The following SOCS6 variants were observed in gnomAD, a reference collection of about 807,000 sequenced individuals.
SOCS6 encodes suppressor of cytokine signaling 6.
A neutral mutation model predicts 27.7 loss-of-function variants in SOCS6; 5 were observed. That is an observed-to-expected ratio of 0.18 (90% CI 0.09 to 0.38). The LOEUF is 0.38. SOCS6 is among the 10% of genes least tolerant of loss of function. The pLI is 1.00. For missense variants in SOCS6, 595 were observed against 688.1 expected (o/e 0.86, Z 1.51); for synonymous variants, 271 against 260.0 (o/e 1.04, Z -0.41).
chr18:70,290,057 C>T (rs1213882388), intron 1 of SOCS6, among the ~76,000 whole-genome samples: 1 of 152,152 alleles, frequency 6.6e-6, no homozygotes, highest in African/African-American at 2.4e-5. Flanking sequence ...CTCAGTCTTC[C>T]GGTAGCAAAA....
intron 1 of SOCS6, among the ~76,000 whole-genome samples, chr18:70,312,983 T>A (rs900808436): frequency 6.6e-6 from 1 of 152,094 alleles, no homozygotes; most frequent in African/African-American, 2.4e-5. Flanking sequence ...GCTTTCACCA[T>A]GTTGGCCGGG....
intron 1 of SOCS6, among the ~76,000 whole-genome samples, chr18:70,311,152 A>C (rs895242181): frequency 2.6e-5 from 4 of 152,124 alleles, no homozygotes; most frequent in Non-Finnish European, 5.9e-5. Context: ...TTTCTCTTAG[A>C]GCACTTCTCA....
intron 1 of SOCS6, among the ~76,000 whole-genome samples, chr18:70,317,867 C>T (rs2062419525): frequency 6.6e-6 from 1 of 152,120 alleles, no homozygotes; most frequent in Non-Finnish European, 1.5e-5. Context: ...TTGTTTGAGA[C>T]AGGGCCCTAC....
Position 70,327,269 on chromosome 18 carries a change from G to T in SOCS6, c.*993G>T, listed in dbSNP as rs1007837995. ...GACTGGATTCTCTTGCAACATTAAT[G>T]TTTATAAAAAGTTTTAAATTGATTT... On this transcript the variant is annotated 3_prime_UTR_variant, in exon 2 of 2. Coordinates refer to ENST00000397942, the MANE Select transcript of SOCS6 (RefSeq NM_004232.4). 6.0e-6 allele frequency: 1 copy of T among 166,708 alleles called. No homozygotes were observed. Among genetic ancestry groups the T allele is most frequent in the Non-Finnish European group, 1.5e-5 (1 of 68,062 alleles). 10.3% of individuals were successfully genotyped at this position (166,708 alleles called of 1,614,324 possible).
At chr18:70,293,359 C>T (rs994825561) in intron 1 of SOCS6, among the ~76,000 whole-genome samples, 1 of 152,144 alleles carries the variant, frequency 6.6e-6, no homozygotes, top group Non-Finnish European at 1.5e-5. Context: ...AGAGAGACAA[C>T]TGTCACTGCC....
Position 70,324,567 on chromosome 18 carries a change from A to T in SOCS6, c.-102A>T. 1.3e-6 allele frequency: 1 copy of T among 749,828 alleles called. No individual in the cohort carries two copies. Among genetic ancestry groups the T allele is most frequent in the Non-Finnish European group, 2.2e-6 (1 of 463,550 alleles). 46.4% of individuals were successfully genotyped at this position (749,828 alleles called of 1,614,324 possible). On this transcript the variant is annotated 5_prime_UTR_variant, in exon 2 of 2. The change creates a new upstream start codon in the 5' untranslated region. Coordinates refer to ENST00000397942, the MANE Select transcript of SOCS6 (RefSeq NM_004232.4). ...GAAAATGGCTCCAAAGGTTAAATGA[A>T]GCAGGAAAAATACATAGATGCAGCC... is the stretch of plus-strand genomic sequence containing the variant.
chr18:70,308,635 G>A (rs954668504), intron 1 of SOCS6, among the ~76,000 whole-genome samples: 20 of 152,056 alleles, frequency 1.3e-4, no homozygotes, highest in Admixed American at 6.6e-5. Context: ...ATCTTTATTT[G>A]TTCCATCATT....
chr18:70,327,723 A>G lies in SOCS6; in HGVS notation c.*1447A>G, dbSNP rs1911264234. 1 of 167,126 alleles carries G rather than the reference A, an allele frequency of 6.0e-6. No homozygotes were observed. The allele number at this position is 167,126 out of a possible 1,614,324, so 10.4% of individuals were successfully genotyped here. A position where few individuals can be genotyped will look rare whatever the true frequency, so the allele number is the denominator to read the frequency against. ...GGATTGCCCTGTCCAGAAAATTTTC[A>G]GCTACACACCTTTAAAGGAAAATGT... On this transcript the variant is annotated 3_prime_UTR_variant, in exon 2 of 2. Transcript: ENST00000397942.
At chr18:70,296,075 T>A (rs1385871652) in intron 1 of SOCS6, among the ~76,000 whole-genome samples, 1 of 152,150 alleles carries the variant, frequency 6.6e-6, no homozygotes, top group African/African-American at 2.4e-5. Context: ...AACTTAGAAA[T>A]TCTTTTCTCC....
At chr18:70,292,228 G>T (rs781211828) in intron 1 of SOCS6, among the ~76,000 whole-genome samples, 1 of 152,188 alleles carries the variant, frequency 6.6e-6, no homozygotes, top group Non-Finnish European at 1.5e-5. Context: ...CCATTTACCC[G>T]CTCTGTCACG....
rs917532892 is a variant in SOCS6 at position 70,324,895 on chromosome 18, C to T, written c.227C>T (p.Thr76Met). Residue 76 changes from threonine to methionine, a missense_variant, in exon 2 of 2, where the codon ACG (threonine) becomes ATG (methionine). Coordinates refer to ENST00000397942, the MANE Select transcript of SOCS6 (RefSeq NM_004232.4). ...TCAAAAAGCGAGAGCCTGATGGGTA[C>T]GCTAAAAAGGCGGCTTTCTGCAAAA... ...NRSKSESLMG[T>M]LKRRLSAKQK... is the part of the protein sequence containing the mutation. 1.1e-5 allele frequency: 17 copies of T among 1,614,012 alleles called. No individual in the cohort carries two copies. The highest frequency in any genetic ancestry group is 3.3e-5 in the South Asian group (3 of 91,080).
chr18:70,306,868 A>T (rs1192042240), intron 1 of SOCS6, among the ~76,000 whole-genome samples: 5 of 152,226 alleles, frequency 3.3e-5, no homozygotes, highest in Non-Finnish European at 5.9e-5. Context: ...GCTGTAGTGC[A>T]TCAATTGGTT....
intron 1 of SOCS6, among the ~76,000 whole-genome samples, chr18:70,311,159 C>T (rs1479574326): frequency 6.6e-6 from 1 of 152,134 alleles, no homozygotes; most frequent in Non-Finnish European, 1.5e-5. Context: ...TAGAGCACTT[C>T]TCACAGTCTC....
In SOCS6 at chr18:70,327,689, A is replaced by G. The variant is rs918262590; in HGVS notation, c.*1413A>G. 2 of 166,996 alleles carry G rather than the reference A, an allele frequency of 1.2e-5. No homozygotes were observed. The highest frequency in any genetic ancestry group is 3.9e-4 in the East Asian group (2 of 5,194). 10.3% of individuals were successfully genotyped at this position (166,996 alleles called of 1,614,324 possible). ...CATTTCACAGTTCTGCAATGGATGT[A>G]GTATTTTGGGATTGCCCTGTCCAGA... is the stretch of plus-strand genomic sequence containing the variant. On this transcript the variant is annotated 3_prime_UTR_variant, in exon 2 of 2. Transcript: ENST00000397942.
chr18:70,311,960 C>T (rs1209358118), intron 1 of SOCS6, among the ~76,000 whole-genome samples: 1 of 150,372 alleles, frequency 6.7e-6, no homozygotes, highest in Non-Finnish European at 1.5e-5. Context: ...AGGCAAGTTC[C>T]TTAACCTCTC....
chr18:70,301,565 A>G (rs2062348399), intron 1 of SOCS6, among the ~76,000 whole-genome samples: 1 of 152,122 alleles, frequency 6.6e-6, no homozygotes, highest in Non-Finnish European at 1.5e-5. Flanking sequence ...TTAGTTTTGA[A>G]CTTGTGAAGT....
intron 1 of SOCS6, among the ~76,000 whole-genome samples, chr18:70,317,405 AAGT>A (rs2062415882): frequency 6.6e-6 from 1 of 151,812 alleles, no homozygotes. Flanking sequence ...TTTTATAGCT[AAGT>A]AGTATTCCAT....
At position 70,325,471 on chromosome 18, in the gene SOCS6, A is replaced by C; in HGVS notation, c.803A>C (p.Gln268Pro). 6.2e-7 allele frequency: 1 copy of C among 1,614,182 alleles called. No individual in the cohort carries two copies. Among genetic ancestry groups the C allele is most frequent in the East Asian group, 2.2e-5 (1 of 44,868 alleles). The change falls in exon 2 of 2, where the codon CAG (glutamine) becomes CCG (proline). Residue 268 changes from glutamine to proline, a missense_variant. Coordinates refer to ENST00000397942, the MANE Select transcript of SOCS6 (RefSeq NM_004232.4). The surrounding 1 kb of genome is among the most constrained non-coding windows in gnomAD (Gnocchi z 6.3). ...CGCGCTTTCCCCGAGGATGAGAGTCAGGTAGACCAGGACCTAGTTGTCGCC... is the reference window on the plus strand; with the variant it reads ...CGCGCTTTCCCCGAGGATGAGAGTCCGGTAGACCAGGACCTAGTTGTCGCC... ...GGRAFPEDESQVDQDLVVAPE... is the reference protein window; with the variant it reads ...GGRAFPEDESPVDQDLVVAPE...
chr18:70,313,893 C>T (rs1246141913), intron 1 of SOCS6, among the ~76,000 whole-genome samples: 4 of 152,184 alleles, frequency 2.6e-5, no homozygotes, highest in Admixed American at 6.5e-5. Context: ...CTTGGGATCT[C>T]GAGTCAATAT....
Sources: allele counts gnomAD v4.1 joint callset (sites outside exome capture counted in the v4.1 genomes callset), GRCh38; gene constraint gnomAD v4.1.1; non-coding constraint Gnocchi (gnomAD v3.1); transcripts MANE v1.5; gene names NCBI Gene and HGNC (gene_info 2026-07-23, HGNC 2026-07-21).